The following ACAP2 variants were observed in gnomAD, a reference collection of about 807,000 sequenced individuals.
ACAP2 encodes the protein arf-GAP with coiled-coil, ANK repeat and PH domain-containing protein 2.
In ACAP2, 39 loss-of-function variants were observed where a neutral mutation model predicts 115.8. The observed-to-expected ratio is 0.34, with a 90% CI of 0.26 to 0.44. ACAP2 has a LOEUF of 0.44. Ranked by LOEUF, ACAP2 falls within the 20% of genes least tolerant of loss-of-function variation. The probability of loss-of-function intolerance (pLI) is 1.00; values close to 1 mark genes in which losing one functional copy is unlikely to be tolerated. For synonymous variants in ACAP2, 289 were observed against 315.8 expected, an observed-to-expected ratio of 0.92 and a Z score of 0.90; for missense variants, 662 against 927.6, an observed-to-expected ratio of 0.71 and a Z score of 3.72.
chr3:195,405,934 A>C (rs1489248778), intron 1 of ACAP2, among the ~76,000 whole-genome samples: 1 of 152,130 alleles, frequency 6.6e-6, no homozygotes, highest in African/African-American at 2.4e-5. Context: ...CAAGAACAGC[A>C]CCAAGAGCAT....
At chr3:195,422,488 CTTTTT>C (rs374009344) in intron 1 of ACAP2, among the ~76,000 whole-genome samples, 410 of 151,968 alleles carry the variant, frequency 2.7e-3, no homozygotes, top group African/African-American at 9.4e-3. Context: ...ATTTTGTTTT[CTTTTT>C]TATTTAGAGA....
chr3:195,315,629 G>A (rs1160571972), intron 10 of ACAP2, among the ~76,000 whole-genome samples: 1 of 152,132 alleles, frequency 6.6e-6, no homozygotes, highest in Non-Finnish European at 1.5e-5. Flanking sequence ...TCTTGAAAAA[G>A]TGACTATGTC....
intron 4 of ACAP2, among the ~76,000 whole-genome samples, chr3:195,362,040 C>T (rs1472430213): frequency 2.0e-5 from 3 of 152,230 alleles, no homozygotes; most frequent in East Asian, 1.9e-4. Flanking sequence ...AGGCTGTGCC[C>T]GGTGGCTCAC....
intron 1 of ACAP2, among the ~76,000 whole-genome samples, chr3:195,405,708 G>C (rs1023634466): frequency 1.3e-5 from 2 of 151,802 alleles, no homozygotes; most frequent in Admixed American, 1.3e-4. Flanking sequence ...AAGTATCTGA[G>C]ACTGGGTAAT....
intron 6 of ACAP2, 138 bp from the exon 7 acceptor site, chr3:195,337,114 T>C: frequency 1.4e-6 from 1 of 692,704 alleles, no homozygotes; most frequent in Non-Finnish European, 2.3e-6. Context: ...TTTTTCATCC[T>C]TCAACTATCC....
chr3:195,307,024 A>G (rs951376926), intron 12 of ACAP2, among the ~76,000 whole-genome samples, 199 bp downstream of exon 12: 1 of 152,208 alleles, frequency 6.6e-6, no homozygotes, highest in African/African-American at 2.4e-5. Context: ...TGGAATTTAA[A>G]GAATAGGATA....
At chr3:195,325,410 ACTGAT>A in intron 9 of ACAP2, 1 of 400,244 alleles carries the variant, frequency 2.5e-6, no homozygotes, top group East Asian at 7.7e-5. Flanking sequence ...TTTTTAGTGG[ACTGAT>A]TTTTTTTTTT....
chr3:195,295,570 TCA>T (rs1229221317), intron 17 of ACAP2, 136 bp downstream of exon 17: 2 of 892,582 alleles, frequency 2.2e-6, no homozygotes, highest in African/African-American at 3.4e-5. Flanking sequence ...ACACAGAAAT[TCA>T]GTTTTTCTTA....
intron 1 of ACAP2, 132 bp downstream of exon 1, chr3:195,442,663 G>A: frequency 1.0e-6 from 1 of 959,644 alleles, no homozygotes; most frequent in Non-Finnish European, 1.5e-6. Flanking sequence ...GGTGGGAAAC[G>A]GCGGCAACAG....
chr3:195,379,016 T>C (rs551643949), intron 4 of ACAP2, among the ~76,000 whole-genome samples: 2 of 152,224 alleles, frequency 1.3e-5, no homozygotes, highest in South Asian at 4.1e-4. Flanking sequence ...TAATAAATTA[T>C]AGAAAAAACA....
chr3:195,380,689 T>C (rs1025121520), intron 4 of ACAP2, among the ~76,000 whole-genome samples: 1 of 152,202 alleles, frequency 6.6e-6, no homozygotes, highest in Non-Finnish European at 1.5e-5. Flanking sequence ...TATTCTTAAG[T>C]ACATGCTTAA....
In ACAP2 at chr3:195,406,750, T is replaced by C. The variant is rs148510301; in HGVS notation, c.54-14603A>G. ...CCTAGATTTTACCACTTTACATTGA[T>C]TGGATTTGAGTAAGTCTGCTGACAG... On this transcript the variant is annotated intron_variant, in intron 1 of 22. Transcript: ENST00000326793. Among the ~76,000 whole-genome samples, 24 of 152,332 alleles carry C rather than the reference T, an allele frequency of 1.6e-4. No individual in the cohort carries two copies. In the East Asian group the frequency reaches 4.2e-3, roughly 27 times the overall value.
chr3:195,398,739 TTCTC>T (rs1483134413), intron 1 of ACAP2, among the ~76,000 whole-genome samples: 1 of 152,190 alleles, frequency 6.6e-6, no homozygotes, highest in Admixed American at 6.5e-5. Flanking sequence ...AAGGTCTTTC[TTCTC>T]TATTTATTAT....
chr3:195,282,180 G>A (rs1449012244), intron 22 of ACAP2: 1 of 152,132 alleles, frequency 6.6e-6, no homozygotes, highest in Admixed American at 6.6e-5. Flanking sequence ...TTTTTAAATG[G>A]TTTCTCCGGT....
intron 2 of ACAP2, 96 bp from the exon 3 acceptor site, chr3:195,382,118 T>A (rs2108753015): frequency 8.7e-7 from 1 of 1,144,692 alleles, no homozygotes; most frequent in Non-Finnish European, 1.2e-6. Flanking sequence ...GTGACCTAGT[T>A]AAGTTCAATT....
intron 13 of ACAP2, among the ~76,000 whole-genome samples, chr3:195,305,951 T>C (rs1166491546): frequency 2.0e-5 from 3 of 152,048 alleles, no homozygotes; most frequent in Non-Finnish European, 2.9e-5. Context: ...CCAACAATTA[T>C]CTATCACTAA....
At chr3:195,309,576 C>T (rs559116102) in intron 10 of ACAP2, among the ~76,000 whole-genome samples, 1 of 150,872 alleles carries the variant, frequency 6.6e-6, no homozygotes, top group Non-Finnish European at 1.5e-5. Context: ...CACTTGTATA[C>T]AGAAAAACAT....
At chr3:195,361,479 G>A (rs1732369694) in intron 4 of ACAP2, among the ~76,000 whole-genome samples, 1 of 150,950 alleles carries the variant, frequency 6.6e-6, no homozygotes, top group South Asian at 2.1e-4. Flanking sequence ...TGAAGCAAAT[G>A]ATAATGGAAA....
chr3:195,404,405 G>C (rs554690867), intron 1 of ACAP2, among the ~76,000 whole-genome samples: 1 of 152,208 alleles, frequency 6.6e-6, no homozygotes, highest in African/African-American at 2.4e-5. Context: ...TTCTAAGGAA[G>C]AGATAAAATA....
Sources: gnomAD v4.1 joint callset for allele counts (sites outside exome capture counted in the v4.1 genomes callset) on GRCh38, gnomAD v4.1.1 for gene constraint, MANE v1.5 for transcripts, NCBI Gene and HGNC (gene_info 2026-07-23, HGNC 2026-07-21) for gene names.